Variants in ANO3 observed in about 807,000 individuals in gnomAD.
ANO3 encodes anoctamin-3.
A neutral mutation model predicts 144.8 loss-of-function variants in ANO3; 99 were observed. The ratio of observed to expected loss-of-function variants is 0.68; its 90% CI spans 0.58 to 0.81. The LOEUF is 0.81. Among genes scored for constraint, ANO3 ranks in the 30% least tolerant of loss-of-function variants. ANO3 has a pLI of 0.00. For missense variants in ANO3, 905 were observed against 1,202.2 expected, an observed-to-expected ratio of 0.75 and a Z score of 3.66; for synonymous variants, 414 against 392.6, an observed-to-expected ratio of 1.05 and a Z score of -0.64.
At chr11:26,598,220 G>A in intron 14 of ANO3, 145 bp from the exon 15 acceptor site, 1 of 343,622 alleles carries the variant, frequency 2.9e-6, no homozygotes, top group Non-Finnish European at 5.0e-6. Context: ...TATAAACACA[G>A]GGAGAAGAGG....
At chr11:26,307,149 T>C (rs1590248688), upstream of ANO3, among the ~76,000 whole-genome samples, 1 of 148,366 alleles carries the variant, frequency 6.7e-6, no homozygotes, top group South Asian at 2.1e-4. Flanking sequence ...AGGTCAGGAG[T>C]TTGAGACCAG....
At chr11:26,296,998 C>T (rs1854106303) in intron 1 of ANO3, among the ~76,000 whole-genome samples, 1 of 152,100 alleles carries the variant, frequency 6.6e-6, no homozygotes, top group Admixed American at 6.5e-5. Context: ...CCTCTAGAGA[C>T]AGGTAGCCAC....
At chr11:26,234,496 C>A (rs12273316) in intron 1 of ANO3, among the ~76,000 whole-genome samples, 1,656 of 152,226 alleles carry the variant, frequency 0.011, 27 homozygotes, top group African/African-American at 0.038. Context: ...ATCTTAGAGA[C>A]CAAATTAAGA....
rs1332056992 is a variant in ANO3, at chr11:26,332,135, G to A, written c.-141G>A. 1.3e-6 allele frequency: 2 copies of A among 1,521,990 alleles called. No individual in the cohort carries two copies. The highest frequency in any genetic ancestry group is 1.4e-5 in the African/African-American group (1 of 72,492). The allele number at this position is 1,521,990 out of a possible 1,614,324, so 94.3% of individuals were successfully genotyped here. On this transcript the variant is annotated 5_prime_UTR_variant, in exon 1 of 27. Coordinates refer to ENST00000256737, the MANE Select transcript of ANO3 (RefSeq NM_031418.4). The stretch of plus-strand genomic sequence containing the variant: ...CACCGGCGGGCGCGTAGCCTGGAGA[G>A]CGAAGTGCCGGCTACAGCAGGTGTC...
chr11:26,219,501 C>A (rs1411561042), intron 1 of ANO3, among the ~76,000 whole-genome samples: 2 of 152,124 alleles, frequency 1.3e-5, no homozygotes, highest in Non-Finnish European at 2.9e-5. Flanking sequence ...TAGGATCTCC[C>A]TGTTTTTTCA....
At chr11:26,510,132 CAAA>C (rs67543168) in intron 5 of ANO3, among the ~76,000 whole-genome samples, 5 of 46,612 alleles carry the variant, frequency 1.1e-4, no homozygotes, top group African/African-American at 3.2e-4. Flanking sequence ...GACTCCATCT[CAAA>C]AAAAAAAAAA....
chr11:26,552,983 C>G (rs984750313), intron 12 of ANO3, among the ~76,000 whole-genome samples: 5 of 3,814 alleles, frequency 1.3e-3, no homozygotes, highest in Non-Finnish European at 3.6e-3. Flanking sequence ...TCATTGTAGA[C>G]AAAGTTTCAC....
chr11:26,248,203 T>C (rs923431466), intron 1 of ANO3, among the ~76,000 whole-genome samples: 4 of 151,968 alleles, frequency 2.6e-5, no homozygotes, highest in Admixed American at 2.6e-4. Context: ...CCAGGTGTGG[T>C]GGCACATGCC....
rs546480379 is a variant in ANO3 at position 26,455,485 on chromosome 11, G to A, written c.314-7545G>A. 4.6e-5 allele frequency among the ~76,000 whole-genome samples: 7 copies of A among 152,136 alleles called. No homozygotes were observed. The East Asian group carries it at 1.2e-3, about 25-fold the overall frequency. ...CTCCCATTCACAATTGCTTCAAAGA[G>A]AATAAAATACCTAGGAATCCACCTT... On this transcript the variant is annotated intron_variant, in intron 3 of 26. Coordinates refer to ENST00000256737, the MANE Select transcript of ANO3 (RefSeq NM_031418.4).
intron 1 of ANO3, among the ~76,000 whole-genome samples, chr11:26,360,516 C>T (rs912396334): frequency 3.3e-5 from 5 of 152,000 alleles, no homozygotes; most frequent in East Asian, 1.9e-4. Flanking sequence ...TCATTTAATC[C>T]GACTTAGTTT....
intron 1 of ANO3, among the ~76,000 whole-genome samples, chr11:26,432,624 A>G (rs775804102): frequency 4.0e-4 from 61 of 152,180 alleles, no homozygotes; most frequent in Non-Finnish European, 7.3e-4. Flanking sequence ...GCTTATGGCT[A>G]GCCAGTTATC....
chr11:26,197,952 T>C (rs1851622040), intron 1 of ANO3, among the ~76,000 whole-genome samples: 1 of 152,180 alleles, frequency 6.6e-6, no homozygotes, highest in Non-Finnish European at 1.5e-5. Flanking sequence ...AGCCCACCTG[T>C]GGAGCCCCTG....
At chr11:26,644,597 C>G (rs557690889) in intron 23 of ANO3, among the ~76,000 whole-genome samples, 2 of 152,136 alleles carry the variant, frequency 1.3e-5, no homozygotes, top group Non-Finnish European at 2.9e-5. Flanking sequence ...TCTATTTCTG[C>G]AACAACTCCA....
At chr11:26,595,094 T>TCTAG (rs1851570563) in intron 14 of ANO3, among the ~76,000 whole-genome samples, 1 of 152,218 alleles carries the variant, frequency 6.6e-6, no homozygotes. Flanking sequence ...CATTTTCCAA[T>TCTAG]GAGCTTTAGT....
intron 1 of ANO3, among the ~76,000 whole-genome samples, chr11:26,313,482 C>T (rs867530558): frequency 9.9e-5 from 15 of 152,022 alleles, no homozygotes; most frequent in African/African-American, 3.1e-4. Flanking sequence ...GTCAAGAGCT[C>T]GAGACCATCC....
intron 1 of ANO3, among the ~76,000 whole-genome samples, chr11:26,241,459 T>C (rs147629002): frequency 4.7e-4 from 72 of 152,322 alleles, no homozygotes; most frequent in African/African-American, 1.5e-3. Context: ...CTTACTTTCT[T>C]ACTCTCATAC....
rs1453711981 is a variant in ANO3, at chr11:26,218,605, G to GT, written c.154+29276dup. 3.9e-5 allele frequency among the ~76,000 whole-genome samples: 6 copies of GT among 152,072 alleles called. No homozygotes were observed. The East Asian group carries it at 1.2e-3, about 29-fold the overall frequency. ...GCAAATTAGCATTTGCCAAAGAGCT[G>GT]TACTGATATAAGCTATATAAATATG... On this transcript the variant is annotated intron_variant, in intron 1 of 27. Transcript: ENST00000672621.
rs1385629696 is a variant in ANO3 at position 26,545,782 on chromosome 11, C to CCCCTCTTCCT, written c.1155-1621_1155-1612dup. Among the ~76,000 whole-genome samples, 7 of 151,626 alleles carry CCCCTCTTCCT rather than the reference C, an allele frequency of 4.6e-5. No individual in the cohort carries two copies. The South Asian group carries it at 1.0e-3, about 23-fold the overall frequency. ...TGATGGGGAGTTACCCAGTAGCAGC[C>CCCCTCTTCCT]CCCTCTTCCTCCCTCTTCCTCCTTG... is the stretch of plus-strand genomic sequence containing the variant. On this transcript the variant is annotated intron_variant, in intron 11 of 26. Coordinates refer to ENST00000256737, the MANE Select transcript of ANO3 (RefSeq NM_031418.4).
chr11:26,392,526 T>C (rs2133964142), intron 1 of ANO3, among the ~76,000 whole-genome samples: 1 of 152,168 alleles, frequency 6.6e-6, no homozygotes, highest in Non-Finnish European at 1.5e-5. Flanking sequence ...TTCAAAGGGC[T>C]TTACTAATTT....
Sources: gnomAD v4.1 joint callset for allele counts (sites outside exome capture counted in the v4.1 genomes callset) on GRCh38, gnomAD v4.1.1 for gene constraint, MANE v1.5 for transcripts, NCBI Gene and HGNC (gene_info 2026-07-23, HGNC 2026-07-21) for gene names.